IL17RD: variants seen among roughly 807,000 people sequenced by gnomAD.
IL17RD encodes interleukin-17 receptor D.
A neutral mutation model predicts 80.5 loss-of-function variants in IL17RD; 52 were observed. The ratio of observed to expected loss-of-function variants is 0.65; its 90% CI spans 0.52 to 0.81. The LOEUF (loss-of-function observed/expected upper bound fraction) is 0.81. Among genes scored for constraint, IL17RD ranks in the 40% least tolerant of loss-of-function variants. IL17RD has a pLI of 0.00. For missense variants in IL17RD, 1,024 were observed against 955.1 expected, an observed-to-expected ratio of 1.07 and a Z score of -0.95; for synonymous variants, 416 against 391.8, an observed-to-expected ratio of 1.06 and a Z score of -0.73.
intron 1 of IL17RD, among the ~76,000 whole-genome samples, chr3:57,131,423 A>C (rs1707606709): frequency 6.6e-6 from 1 of 152,220 alleles, no homozygotes; most frequent in African/African-American, 2.4e-5. Context: ...CAGGAGTCCC[A>C]GGCTGTGCCA....
At chr3:57,160,586 C>T (rs569279683) in intron 1 of IL17RD, among the ~76,000 whole-genome samples, 2 of 152,258 alleles carry the variant, frequency 1.3e-5, no homozygotes, top group South Asian at 4.1e-4. Flanking sequence ...CGCTTCCCTG[C>T]TCCTCCCATC....
At chr3:57,155,870 TATGAGCCAC>T in intron 1 of IL17RD, among the ~76,000 whole-genome samples, 1 of 152,300 alleles carries the variant, frequency 6.6e-6, no homozygotes, top group Non-Finnish European at 1.5e-5. Context: ...GGATTACAGG[TATGAGCCAC>T]CACTCCTTGC....
intron 1 of IL17RD, among the ~76,000 whole-genome samples, chr3:57,145,277 G>T (rs965108205): frequency 6.6e-6 from 1 of 152,114 alleles, no homozygotes; most frequent in Non-Finnish European, 1.5e-5. Flanking sequence ...AAGACTAAAT[G>T]GGTTGTAATC....
At chr3:57,102,950 A>AGGG (rs1706869934) in intron 9 of IL17RD, 141 bp downstream of exon 9, 2 of 631,996 alleles carry the variant, frequency 3.2e-6, no homozygotes, top group African/African-American at 3.7e-5. Flanking sequence ...AGAATGGAAG[A>AGGG]AAAGTCAGAT....
chr3:57,148,210 A>G (rs567092906), intron 1 of IL17RD, among the ~76,000 whole-genome samples: 2 of 151,252 alleles, frequency 1.3e-5, no homozygotes, highest in Non-Finnish European at 1.5e-5. Flanking sequence ...CTGTAATCTC[A>G]GCTACTCAGG....
intron 1 of IL17RD, among the ~76,000 whole-genome samples, chr3:57,133,408 C>A (rs1707654505): frequency 6.6e-6 from 1 of 152,188 alleles, no homozygotes; most frequent in Non-Finnish European, 1.5e-5. Context: ...AAAGCACACA[C>A]ACACACATGC....
chr3:57,104,459 T>G, intron 7 of IL17RD, 52 bp from the exon 8 acceptor site: 1 of 1,179,968 alleles, frequency 8.5e-7, no homozygotes. Context: ...GCAAAGGTCT[T>G]CAGGACACCT....
chr3:57,098,460 A>G lies in IL17RD; in HGVS notation c.1243T>C (p.Ser415Pro), dbSNP rs1226184213. 6.2e-7 allele frequency: 1 copy of G among 1,613,730 alleles called. No individual in the cohort carries two copies. Among genetic ancestry groups the G allele is most frequent in the East Asian group, 2.2e-5 (1 of 44,882 alleles). Residue 415 changes from serine to proline, a missense_variant, in exon 12 of 13, where the codon TCC becomes CCC. Physicochemically the swap from Ser to Pro is moderately conservative, Grantham distance 74. Transcript: ENST00000296318. ...GAACAAACCACAATGATGAACTGGG[A>G]CTCGTGGATCTTCTGGATGACCCAT... ...REWVIQKIHE[S>P]QFIIVVCSKG... is the part of the protein sequence containing the mutation.
At chr3:57,151,668 A>G (rs771112371) in intron 1 of IL17RD, among the ~76,000 whole-genome samples, 1 of 152,114 alleles carries the variant, frequency 6.6e-6, no homozygotes, top group Non-Finnish European at 1.5e-5. Context: ...ATTTTTTGTC[A>G]TGGAGGACTG....
upstream of IL17RD, among the ~76,000 whole-genome samples, chr3:57,166,295 C>T (rs1272821017): frequency 3.9e-5 from 6 of 152,094 alleles, no homozygotes; most frequent in African/African-American, 1.4e-4. Context: ...TGACTTTGTC[C>T]CCGTGTCCGA....
chr3:57,120,830 T>C (rs1707321361), intron 1 of IL17RD, among the ~76,000 whole-genome samples: 3 of 152,158 alleles, frequency 2.0e-5, no homozygotes, highest in Admixed American at 2.0e-4. Flanking sequence ...AGAAAATTAT[T>C]CACTGCATCC....
intron 1 of IL17RD, among the ~76,000 whole-genome samples, chr3:57,131,922 A>C (rs1195806871): frequency 6.6e-6 from 1 of 152,252 alleles, no homozygotes; most frequent in Non-Finnish European, 1.5e-5. Flanking sequence ...ATGGTGGCTC[A>C]CACCTGTAAT....
chr3:57,134,123 T>C, intron 1 of IL17RD: 1 of 578,132 alleles, frequency 1.7e-6, no homozygotes, highest in Non-Finnish European at 3.2e-6. Context: ...CTTTCGCTGC[T>C]GCGGCCACAG....
chr3:57,142,438 G>C, intron 1 of IL17RD: 1 of 1,087,338 alleles, frequency 9.2e-7, no homozygotes, highest in Non-Finnish European at 1.2e-6. Flanking sequence ...GGTTTTTCTT[G>C]GCTCACCCAC....
chr3:57,105,409 C>T (rs956875800), intron 7 of IL17RD, among the ~76,000 whole-genome samples: 3 of 150,616 alleles, frequency 2.0e-5, no homozygotes, highest in African/African-American at 7.4e-5. Flanking sequence ...TGGTGGCATG[C>T]GCCTATAATC....
chr3:57,150,883 C>T (rs951040788), intron 1 of IL17RD, among the ~76,000 whole-genome samples: 5 of 152,198 alleles, frequency 3.3e-5, no homozygotes, highest in Admixed American at 2.6e-4. Context: ...GGGGCCAAAA[C>T]TTGAGTTTAG....
Position 57,090,861 on chromosome 3 carries a change from T to C in IL17RD, c.*5532A>G, listed in dbSNP as rs1418688955. ...AATTTTATAGGATATAAACATCAGA[T>C]ATGCAGTCATAACTGTTTGCTTTTG... On this transcript the variant is annotated 3_prime_UTR_variant, in exon 13 of 13. Transcript: ENST00000296318. 2.0e-5 allele frequency: 3 copies of C among 152,226 alleles called. No individual in the cohort carries two copies. Among genetic ancestry groups the C allele is most frequent in the Non-Finnish European group, 4.4e-5 (3 of 68,036 alleles). The allele number at this position is 152,226 out of a possible 1,614,324, so 9.4% of individuals were successfully genotyped here.
In IL17RD at chr3:57,127,339, A is replaced by AT. The variant is rs1475671917; in HGVS notation, c.127-7027_127-7026insA. 5.5e-4 allele frequency among the ~76,000 whole-genome samples: 37 copies of AT among 67,166 alleles called. 1 individual carries two copies. The highest frequency in any genetic ancestry group is 2.6e-3 in the African/African-American group (35 of 13,242). 44.1% of individuals were successfully genotyped at this position (67,166 alleles called of 152,430 possible). A position where few individuals can be genotyped will look rare whatever the true frequency, so the allele number is the denominator to read the frequency against. ...AAAAATATATATAAATATATATAAA[A>AT]ATATATATAAATATATATAAATATA... On this transcript the variant is annotated intron_variant, in intron 1 of 12. Transcript: ENST00000296318.
intron 5 of IL17RD, among the ~76,000 whole-genome samples, chr3:57,108,118 G>A (rs530131888): frequency 1.6e-4 from 24 of 150,446 alleles, no homozygotes; most frequent in African/African-American, 3.7e-4. Context: ...GGAGTGCAGC[G>A]GCATGATCTC....
Sources: allele counts gnomAD v4.1 joint callset (sites outside exome capture counted in the v4.1 genomes callset), GRCh38; gene constraint gnomAD v4.1.1; transcripts MANE v1.5; gene names NCBI Gene and HGNC (gene_info 2026-07-23, HGNC 2026-07-21).